Variants in KPNB1 observed in about 807,000 individuals in gnomAD.
KPNB1 encodes karyopherin subunit beta 1.
KPNB1 carries 7 observed loss-of-function variants against 113.0 expected under a neutral mutation model. That is an observed-to-expected ratio of 0.06 (90% CI 0.04 to 0.12). The LOEUF (loss-of-function observed/expected upper bound fraction) is 0.12. KPNB1 is among the 10% of genes least tolerant of loss of function. The pLI, the probability that KPNB1 is intolerant of heterozygous loss-of-function variation, is 1.00. For synonymous variants in KPNB1, 363 were observed against 378.6 expected, an observed-to-expected ratio of 0.96 and a Z score of 0.48; for missense variants, 400 against 1,054.8, an observed-to-expected ratio of 0.38 and a Z score of 8.60.
rs1157291179 is a variant in KPNB1 at position 47,683,090 on chromosome 17, TAAAAAAAAAAAAAA to T, written c.*702_*715del. The T allele has an allele frequency of 4.1e-4, 7 of 17,250 alleles. No homozygotes were observed. The highest frequency in any genetic ancestry group is 3.4e-3 in the South Asian group (1 of 298). 1.1% of individuals were successfully genotyped at this position (17,250 alleles called of 1,614,324 possible). On this transcript the variant is annotated 3_prime_UTR_variant, in exon 22 of 22. Coordinates refer to ENST00000290158, the MANE Select transcript of KPNB1 (RefSeq NM_002265.6). ...GTTTACTGATGCAGCACAAGAGATG[TAAAAAAAAAAAAAA>T]AAAAAAAAAAAAAAACACACACACA...
rs765039683 is a variant in KPNB1 at position 47,683,724 on chromosome 17, CAAAAA to C, written c.*1324_*1328del. ...TCAAAAGCAACCAACAAAACAAAAA[CAAAAA>C]AAAGTGTGTGTTGTGTGAATACACA... is the stretch of plus-strand genomic sequence containing the variant. On this transcript the variant is annotated 3_prime_UTR_variant, in exon 22 of 22. Transcript: ENST00000290158. 1 of 16,814 alleles carries C rather than the reference CAAAAA, an allele frequency of 5.9e-5. No homozygotes were observed. Among genetic ancestry groups the C allele is most frequent in the African/African-American group, 2.7e-4 (1 of 3,746 alleles). 1.0% of individuals were successfully genotyped at this position (16,814 alleles called of 1,614,324 possible). A position where few individuals can be genotyped will look rare whatever the true frequency, so the allele number is the denominator to read the frequency against.
Position 47,682,664 on chromosome 17 carries a change from A to ATT in KPNB1, c.*260_*261insTT, listed in dbSNP as rs1448524065. 1.9e-6 allele frequency: 1 copy of ATT among 529,506 alleles called. No individual in the cohort carries two copies. Among genetic ancestry groups the ATT allele is most frequent in the Non-Finnish European group, 3.3e-6 (1 of 299,878 alleles). The allele number at this position is 529,506 out of a possible 1,614,324, so 32.8% of individuals were successfully genotyped here. A position where few individuals can be genotyped will look rare whatever the true frequency, so the allele number is the denominator to read the frequency against. On this transcript the variant is annotated 3_prime_UTR_variant, in exon 22 of 22. Transcript: ENST00000290158. ...CGGCCATCTTGGAAAAGAGAAAAACAATGGAGTTACTTATTTAAAAAAAAA... is the reference window on the plus strand; with the variant it reads ...CGGCCATCTTGGAAAAGAGAAAAACATTATGGAGTTACTTATTTAAAAAAAAA...
At chr17:47,653,850 A>G (rs1432307009) in intron 3 of KPNB1, among the ~76,000 whole-genome samples, 1 of 152,096 alleles carries the variant, frequency 6.6e-6, no homozygotes, top group Non-Finnish European at 1.5e-5. Flanking sequence ...ATTAAATCCA[A>G]CTTGGTTTCA....
chr17:47,653,189 T>C (rs1411980262), intron 3 of KPNB1, among the ~76,000 whole-genome samples: 1 of 151,714 alleles, frequency 6.6e-6, no homozygotes, highest in Non-Finnish European at 1.5e-5. Flanking sequence ...TACATTTGTA[T>C]AAAAATTAGG....
At chr17:47,675,361 G>GTTTTTTTGT (rs2030569098) in intron 15 of KPNB1, among the ~76,000 whole-genome samples, 1 of 88,692 alleles carries the variant, frequency 1.1e-5, no homozygotes, top group African/African-American at 4.6e-5. Context: ...CAGAGGTGTT[G>GTTTTTTTGT]TTTTTTTTTT....
At position 47,682,406 on chromosome 17, in the gene KPNB1, C is replaced by A. The variant is rs1313593953; in HGVS notation, c.*2C>A. ...CCTTTTTTTCCATCTGTTTTCAGAT[C>A]TGTTACCATTGGGATGATAACCTGA... On this transcript the variant is annotated splice_region_variant and 3_prime_UTR_variant, in exon 22 of 22. Transcript: ENST00000290158. 2 of 780,798 alleles carry A rather than the reference C, an allele frequency of 2.6e-6. No individual in the cohort carries two copies. The highest frequency in any genetic ancestry group is 4.8e-6 in the Non-Finnish European group (2 of 418,120). The allele number at this position is 780,798 out of a possible 1,614,324, so 48.4% of individuals were successfully genotyped here.
chr17:47,652,900 T>C (rs1915618340), intron 3 of KPNB1, 24 bp downstream of exon 3: 2 of 1,523,234 alleles, frequency 1.3e-6, no homozygotes, highest in African/African-American at 1.4e-5. Flanking sequence ...ATCTGTTTGG[T>C]TATATTGCCC....
At position 47,650,216 on chromosome 17, in the gene KPNB1, G is replaced by A. The variant is rs760732297; in HGVS notation, c.-29G>A. The A allele has an allele frequency of 1.1e-5, 18 of 1,574,404 alleles. No homozygotes were observed. Among genetic ancestry groups the A allele is most frequent in the Non-Finnish European group, 6.9e-6 (8 of 1,165,498 alleles). ...CCGAAAGGCCGGGCCGTCGTCTTAG[G>A]AGGAGTCGCCGCCGCCGCCACCTCC... On this transcript the variant is annotated 5_prime_UTR_variant, in exon 1 of 22. Coordinates refer to ENST00000290158, the MANE Select transcript of KPNB1 (RefSeq NM_002265.6).
intron 10 of KPNB1, among the ~76,000 whole-genome samples, chr17:47,669,313 C>G (rs1325765084): frequency 6.6e-6 from 1 of 152,080 alleles, no homozygotes; most frequent in Non-Finnish European, 1.5e-5. Context: ...TCATGTTGGT[C>G]AGGCTGGTCT....
intron 9 of KPNB1, among the ~76,000 whole-genome samples, chr17:47,666,394 T>TTGTGTGTGTGTGTG (rs140549997): frequency 5.0e-5 from 7 of 139,656 alleles, no homozygotes; most frequent in South Asian, 2.2e-4. Context: ...GTCTTTACTT[T>TTGTGTGTGTGTGTG]TGTGTGTGTG....
At chr17:47,676,731 G>T (rs929875322) in intron 16 of KPNB1, among the ~76,000 whole-genome samples, 1 of 151,322 alleles carries the variant, frequency 6.6e-6, no homozygotes, top group Non-Finnish European at 1.5e-5. Flanking sequence ...TGGACAAGAT[G>T]ACTGTTTATT....
chr17:47,664,011 C>A, intron 7 of KPNB1, 148 bp from the exon 8 acceptor site: 1 of 512,008 alleles, frequency 2.0e-6, no homozygotes. Context: ...AAAAGAAAAT[C>A]TTTCTTTTCC....
intron 21 of KPNB1, 56 bp downstream of exon 21, chr17:47,680,725 G>C: frequency 6.5e-7 from 1 of 1,544,696 alleles, no homozygotes; most frequent in Non-Finnish European, 8.8e-7. Flanking sequence ...AGGGGGGTAT[G>C]TTTTCTTTAG....
Position 47,668,323 on chromosome 17 carries a change from T to C in KPNB1, c.1137T>C (p.Asp379=), listed in dbSNP as rs760168186. 12 of 1,614,058 alleles carry C rather than the reference T, an allele frequency of 7.4e-6. No homozygotes were observed. The East Asian group carries it at 2.0e-4, about 27-fold the overall frequency. The change falls in exon 10 of 22, where the codon GAT becomes GAC. Residue 379 remains aspartate (D), a synonymous_variant. Coordinates refer to ENST00000290158, the MANE Select transcript of KPNB1 (RefSeq NM_002265.6). The part of the protein sequence containing the change: ...PFIKEHIKNP[D]WRYRDAAVMA... ...TTAAAGAACACATCAAGAACCCAGA[T>C]TGGCGGTACCGGGATGCAGCAGTGA...
In KPNB1 at chr17:47,650,001, T is replaced by C; in HGVS notation, c.-244T>C. 1 of 1,355,306 alleles carries C rather than the reference T, an allele frequency of 7.4e-7. No individual in the cohort carries two copies. The highest frequency in any genetic ancestry group is 9.4e-7 in the Non-Finnish European group (1 of 1,059,606). The allele number at this position is 1,355,306 out of a possible 1,614,324, so 84.0% of individuals were successfully genotyped here. A position where few individuals can be genotyped will look rare whatever the true frequency, so the allele number is the denominator to read the frequency against. ...TCCCGAGCACCAGCGCGCTCTGAGCTGCCCCCAGGGTCCCTCCCCCGCCGC... is the reference window on the plus strand; with the variant it reads ...TCCCGAGCACCAGCGCGCTCTGAGCCGCCCCCAGGGTCCCTCCCCCGCCGC... On this transcript the variant is annotated 5_prime_UTR_variant, in exon 1 of 22. Transcript: ENST00000290158.
At chr17:47,656,794 G>T in intron 3 of KPNB1, 66 bp from the exon 4 acceptor site, 2 of 1,477,844 alleles carry the variant, frequency 1.4e-6, no homozygotes, top group Non-Finnish European at 1.9e-6. Flanking sequence ...TATAAGTATG[G>T]TGGTGGGCAA....
chr17:47,668,601 CAT>C (rs1277896555), intron 10 of KPNB1, among the ~76,000 whole-genome samples, 191 bp downstream of exon 10: 1 of 152,122 alleles, frequency 6.6e-6, no homozygotes, highest in Non-Finnish European at 1.5e-5. Flanking sequence ...GATCCAGAGA[CAT>C]GTGAAAGAAG....
chr17:47,650,588 G>T (rs1317493673), intron 2 of KPNB1, 144 bp downstream of exon 2: 2 of 630,862 alleles, frequency 3.2e-6, no homozygotes, highest in Non-Finnish European at 4.9e-6. Flanking sequence ...CCCCCAACCC[G>T]GTCCAACCTA....
Position 47,682,687 on chromosome 17 carries a change from A to G in KPNB1, c.*283A>G. The G allele has an allele frequency of 2.0e-6, 1 of 489,278 alleles. No homozygotes were observed. The highest frequency in any genetic ancestry group is 3.5e-5 in the East Asian group (1 of 28,710). The allele number at this position is 489,278 out of a possible 1,614,324, so 30.3% of individuals were successfully genotyped here. A position where few individuals can be genotyped will look rare whatever the true frequency, so the allele number is the denominator to read the frequency against. ...ACAATGGAGTTACTTATTTAAAAAA[A>G]AAGAAAGAAAGTTATCTCTTCCCAG... On this transcript the variant is annotated 3_prime_UTR_variant, in exon 22 of 22. Transcript: ENST00000290158.
Sources: gnomAD v4.1 joint callset for allele counts (sites outside exome capture counted in the v4.1 genomes callset) on GRCh38, gnomAD v4.1.1 for gene constraint, MANE v1.5 for transcripts, NCBI Gene and HGNC (gene_info 2026-07-23, HGNC 2026-07-21) for gene names.